Variants in LRRC14B observed in about 807,000 individuals in gnomAD.
The protein encoded by LRRC14B is leucine rich repeat containing 14B, also known as leucine-rich repeat-containing protein 14B.
Under a neutral mutation model 16.9 loss-of-function variants are expected in LRRC14B, and 23 were observed. The observed-to-expected ratio is 1.36, with a 90% CI of 0.98 to 1.92. LRRC14B has a LOEUF of 1.92. Ranked by LOEUF, LRRC14B falls within the 30% of genes most tolerant of loss-of-function variation. The pLI is 0.00. For missense variants in LRRC14B, 766 were observed against 705.7 expected, an observed-to-expected ratio of 1.09 and a Z score of -0.97; for synonymous variants, 358 against 332.5, an observed-to-expected ratio of 1.08 and a Z score of -0.83.
chr5:191,694 G>A lies in LRRC14B; in HGVS notation c.156G>A (p.Ala52=), dbSNP rs765578403. The change falls in exon 1 of 2, where the codon GCG becomes GCA. Residue 52 remains alanine (A), a synonymous_variant. Transcript: ENST00000328278. The part of the protein sequence containing the change: ...YLLEQAEVTR[A]VLGRWPLEEF... ...TGGAGCAGGCGGAGGTGACGCGCGC[G>A]GTGCTGGGGCGCTGGCCCCTGGAGG... The A allele has an allele frequency of 1.5e-5, 24 of 1,596,458 alleles. No individual in the cohort carries two copies. Among genetic ancestry groups the A allele is most frequent in the East Asian group, 2.3e-5 (1 of 43,956 alleles).
rs574232325 is a variant in LRRC14B, at chr5:192,045, C to T, written c.507C>T (p.Phe169=). The T allele has an allele frequency of 3.2e-6, 5 of 1,542,432 alleles. No homozygotes were observed. The East Asian group carries it at 7.2e-5, about 22-fold the overall frequency. ...LADLFVTEGN[F]EAVVQALRPA... ...ACCTCTTCGTCACTGAGGGCAACTT[C>T]GAGGCGGTGGTGCAGGCTCTGAGGC... Residue 169 remains phenylalanine (F), a synonymous_variant, in exon 1 of 2, where the codon TTC becomes TTT. Coordinates refer to ENST00000328278, the MANE Select transcript of LRRC14B (RefSeq NM_001080478.3).
Position 194,746 on chromosome 5 carries a change from A to G in LRRC14B, c.938A>G (p.Asn313Ser). 6.2e-7 allele frequency: 1 copy of G among 1,613,460 alleles called. No homozygotes were observed. The highest frequency in any genetic ancestry group is 2.2e-5 in the East Asian group (1 of 44,884). Residue 313 changes from asparagine to serine, a missense_variant, in exon 2 of 2, where the codon AAC becomes AGC. Transcript: ENST00000328278. ...QTPLRVLDLA[N>S]CALNHTDMAF... ...CCGCTGCGAGTACTGGACCTGGCCAACTGTGCCCTGAACCACACGGACATG... is the reference window on the plus strand; with the variant it reads ...CCGCTGCGAGTACTGGACCTGGCCAGCTGTGCCCTGAACCACACGGACATG...
Position 191,666 on chromosome 5 carries a change from T to C in LRRC14B, c.128T>C (p.Leu43Pro), listed in dbSNP as rs779597045. The C allele has an allele frequency of 1.2e-6, 2 of 1,606,740 alleles. No homozygotes were observed. The highest frequency in any genetic ancestry group is 1.7e-6 in the Non-Finnish European group (2 of 1,177,156). Residue 43 changes from leucine to proline, a missense_variant, in exon 1 of 2, where the codon CTG (leucine) becomes CCG (proline). Transcript: ENST00000328278. ...CCACTCCTGTTCAAAGCCAGCTACC[T>C]GCTGGAGCAGGCGGAGGTGACGCGC... is the stretch of plus-strand genomic sequence containing the variant. ...LYPLLFKASY[L>P]LEQAEVTRAV...
At position 195,433 on chromosome 5, in the gene LRRC14B, G is replaced by C; in HGVS notation, c.*80G>C. On this transcript the variant is annotated 3_prime_UTR_variant, in exon 2 of 2. Coordinates refer to ENST00000328278, the MANE Select transcript of LRRC14B (RefSeq NM_001080478.3). ...GCTTTAGTCCTGGATCTGAGGCTTG[G>C]GCCCGGCATTCATCCCCACCACCAC... 1 of 1,326,774 alleles carries C rather than the reference G, an allele frequency of 7.5e-7. No homozygotes were observed. The highest frequency in any genetic ancestry group is 1.0e-6 in the Non-Finnish European group (1 of 975,842). The allele number at this position is 1,326,774 out of a possible 1,614,324, so 82.2% of individuals were successfully genotyped here.
chr5:192,496 G>A lies in LRRC14B; in HGVS notation c.899+59G>A, dbSNP rs1182134825. ...GTGGCTGCAGAGGCAAGGAGAGATC[G>A]TCCAGGGGCCTGCTCATGTCCAAGG... On this transcript the variant is annotated intron_variant, in intron 1 of 1. Transcript: ENST00000328278. 4.2e-6 allele frequency: 6 copies of A among 1,418,834 alleles called. No homozygotes were observed. In the East Asian group the frequency reaches 1.0e-4, roughly 24 times the overall value. The allele number at this position is 1,418,834 out of a possible 1,614,324, so 87.9% of individuals were successfully genotyped here. A position where few individuals can be genotyped will look rare whatever the true frequency, so the allele number is the denominator to read the frequency against.
intron 1 of LRRC14B, among the ~76,000 whole-genome samples, chr5:193,661 C>T (rs1342793610): frequency 6.6e-6 from 1 of 150,620 alleles, no homozygotes; most frequent in Non-Finnish European, 1.5e-5. Context: ...TGCGGTGGGT[C>T]CTGAGGGATA....
In LRRC14B at chr5:192,140, TC is replaced by T. The variant is rs747433219; in HGVS notation, c.604del (p.Leu202CysfsTer90). On this transcript the variant is annotated frameshift_variant, in exon 1 of 2. Coordinates refer to ENST00000328278, the MANE Select transcript of LRRC14B (RefSeq NM_001080478.3). LOFTEE classifies it high-confidence loss of function. ...GCGGACAGCCTGAGCCCCAGCCAGC[TC>T]CTGCACGTGCTGCGTCTGGCTGGCC... ...FRADSLSPSQLLHVLRLAGPG... is the reference protein window; with the variant it reads ...FRADSLSPSQXLHVLRLAGPG... The T allele has an allele frequency of 9.5e-5, 151 of 1,589,158 alleles. No homozygotes were observed. Among genetic ancestry groups the T allele is most frequent in the Non-Finnish European group, 2.1e-5 (25 of 1,169,376 alleles).
In LRRC14B at chr5:192,251, TC is replaced by T. The variant is rs1733818632; in HGVS notation, c.718del (p.Arg240GlyfsTer52). ...CAGCAGCTTCTGGCCCAGGTGGGCTTCCCCCGGCTGGCCTCGCTCACCCTGC... is the reference window on the plus strand; with the variant it reads ...CAGCAGCTTCTGGCCCAGGTGGGCTTCCCCGGCTGGCCTCGCTCACCCTGC... Reference protein sequence around the residue: ...HVQQLLAQVGFPRLASLTLPT... With the variant: ...HVQQLLAQVGXPRLASLTLPT... On this transcript the variant is annotated frameshift_variant, in exon 1 of 2. Coordinates refer to ENST00000328278, the MANE Select transcript of LRRC14B (RefSeq NM_001080478.3). LOFTEE classifies it high-confidence loss of function. 1.9e-6 allele frequency: 3 copies of T among 1,594,052 alleles called. No homozygotes were observed. Among genetic ancestry groups the T allele is most frequent in the East Asian group, 2.3e-5 (1 of 43,526 alleles).
chr5:195,262 AAG>A lies in LRRC14B; in HGVS notation c.1456_1457del (p.Glu486AsnfsTer4). ...TTTGGAAGTTTTGACCCAGACATTC[AAG>A]AAACAAGCAATGAGCTTGGTGCTTT... On this transcript the variant is annotated frameshift_variant, in exon 2 of 2. Coordinates refer to ENST00000328278, the MANE Select transcript of LRRC14B (RefSeq NM_001080478.3). LOFTEE classifies it high-confidence loss of function. 1 of 1,612,906 alleles carries A rather than the reference AAG, an allele frequency of 6.2e-7. No homozygotes were observed. The highest frequency in any genetic ancestry group is 8.5e-7 in the Non-Finnish European group (1 of 1,179,892).
chr5:193,137 G>A (rs1733840518), intron 1 of LRRC14B, among the ~76,000 whole-genome samples: 1 of 151,416 alleles, frequency 6.6e-6, no homozygotes, highest in African/African-American at 2.4e-5. Flanking sequence ...GTGGGTCCAA[G>A]GGGGGTGCCC....
chr5:192,531 T>C, intron 1 of LRRC14B, 94 bp downstream of exon 1: 3 of 1,251,582 alleles, frequency 2.4e-6, no homozygotes, highest in Non-Finnish European at 3.1e-6. Flanking sequence ...GCCATGAGGC[T>C]ACACGGCCTC....
In LRRC14B at chr5:191,709, G is replaced by T. The variant is rs1418952482; in HGVS notation, c.171G>T (p.Trp57Cys). Reference protein sequence around the residue: ...AEVTRAVLGRWPLEEFRLGAL... With the variant: ...AEVTRAVLGRCPLEEFRLGAL... Reference sequence around the variant, plus strand: ...TGACGCGCGCGGTGCTGGGGCGCTGGCCCCTGGAGGAGTTCCGGCTGGGAG... The same window carrying T: ...TGACGCGCGCGGTGCTGGGGCGCTGTCCCCTGGAGGAGTTCCGGCTGGGAG... Residue 57 changes from tryptophan to cysteine, a missense_variant, in exon 1 of 2, where the codon TGG becomes TGT. Physicochemically the swap from Trp to Cys is radical, Grantham distance 215. Coordinates refer to ENST00000328278, the MANE Select transcript of LRRC14B (RefSeq NM_001080478.3). 6.3e-7 allele frequency: 1 copy of T among 1,586,688 alleles called. No individual in the cohort carries two copies. The highest frequency in any genetic ancestry group is 1.8e-5 in the Admixed American group (1 of 56,172).
At position 194,891 on chromosome 5, in the gene LRRC14B, G is replaced by A. The variant is rs144129244; in HGVS notation, c.1083G>A (p.Thr361=). The part of the protein sequence containing the change: ...FFRLLSQASR[T]LRILTLEECG... The stretch of plus-strand genomic sequence containing the variant: ...GGCTGCTCAGCCAGGCTTCCCGGAC[G>A]CTGAGGATCCTGACACTGGAGGAGT... The change falls in exon 2 of 2, where the codon ACG becomes ACA. Residue 361 remains threonine, a synonymous_variant. Transcript: ENST00000328278. 1.7e-4 allele frequency: 268 copies of A among 1,600,914 alleles called. No individual in the cohort carries two copies. The highest frequency in any genetic ancestry group is 5.9e-4 in the African/African-American group (44 of 74,764).
Position 192,059 on chromosome 5 carries a change from A to T in LRRC14B, c.521A>T (p.Gln174Leu). 6.5e-7 allele frequency: 1 copy of T among 1,544,728 alleles called. No homozygotes were observed. The highest frequency in any genetic ancestry group is 2.4e-5 in the East Asian group (1 of 41,612). The change falls in exon 1 of 2, where the codon CAG (glutamine) becomes CTG (leucine). Residue 174 changes from glutamine to leucine, a missense_variant. Physicochemically the swap from Gln to Leu is moderately radical, Grantham distance 113. Transcript: ENST00000328278. ...GAGGGCAACTTCGAGGCGGTGGTGCAGGCTCTGAGGCCAGCGGGCCCGGCC... is the reference window on the plus strand; with the variant it reads ...GAGGGCAACTTCGAGGCGGTGGTGCTGGCTCTGAGGCCAGCGGGCCCGGCC... ...VTEGNFEAVVQALRPAGPAPL... is the reference protein window; with the variant it reads ...VTEGNFEAVVLALRPAGPAPL...
intron 1 of LRRC14B, among the ~76,000 whole-genome samples, chr5:193,290 C>T (rs1248901993): frequency 1.4e-4 from 12 of 87,186 alleles, no homozygotes; most frequent in South Asian, 1.1e-3. Context: ...GCGGTGGGTC[C>T]GGGGGGCACC....
rs770626524 is a variant in LRRC14B at position 194,973 on chromosome 5, C to T, written c.1165C>T (p.Arg389Trp). The change falls in exon 2 of 2, where the codon CGG (arginine) becomes TGG (tryptophan). Residue 389 changes from arginine to tryptophan, a missense_variant. Arg to Trp is a moderately radical substitution (Grantham distance 101). Coordinates refer to ENST00000328278, the MANE Select transcript of LRRC14B (RefSeq NM_001080478.3). The stretch of plus-strand genomic sequence containing the variant: ...GATCCTGGGCCTGAGCCCCTGCCAC[C>T]GGCTGCGCCAGCTCAAGTTCCTCGG... ...MLILGLSPCHRLRQLKFLGNP... is the reference protein window; with the variant it reads ...MLILGLSPCHWLRQLKFLGNP... The T allele has an allele frequency of 1.2e-5, 20 of 1,613,284 alleles. No homozygotes were observed. The highest frequency in any genetic ancestry group is 3.3e-5 in the South Asian group (3 of 91,088).
rs756206787 is a variant in LRRC14B, at chr5:192,156, T to C, written c.618T>C (p.Arg206=). 6.3e-7 allele frequency: 1 copy of C among 1,596,902 alleles called. No homozygotes were observed. Among genetic ancestry groups the C allele is most frequent in the Non-Finnish European group, 8.5e-7 (1 of 1,172,854 alleles). The change falls in exon 1 of 2, where the codon CGT becomes CGC. Residue 206 remains arginine (R), a synonymous_variant. Coordinates refer to ENST00000328278, the MANE Select transcript of LRRC14B (RefSeq NM_001080478.3). ...CCAGCCAGCTCCTGCACGTGCTGCG[T>C]CTGGCTGGCCCGGGTGCCCTGCGCA... ...LSPSQLLHVL[R]LAGPGALRKL... is the part of the protein sequence containing the mutation.
chr5:192,520 G>C, intron 1 of LRRC14B, 83 bp downstream of exon 1: 1 of 1,340,586 alleles, frequency 7.5e-7, no homozygotes, highest in Non-Finnish European at 9.7e-7. Flanking sequence ...TCATGTCCAA[G>C]GCCATGAGGC....
Position 192,116 on chromosome 5 carries a change from C to A in LRRC14B, c.578C>A (p.Ala193Glu), listed in dbSNP as rs774942703. 15 of 1,567,064 alleles carry A rather than the reference C, an allele frequency of 9.6e-6. No individual in the cohort carries two copies. In the Admixed American group the frequency reaches 2.4e-4, roughly 25 times the overall value. Residue 193 changes from alanine to glutamate, a missense_variant, in exon 1 of 2, where the codon GCG (alanine) becomes GAG (glutamate). By Grantham distance (107) the Ala-to-Glu change is moderately radical (BLOSUM62 -1). Transcript: ENST00000328278. ...PLRVHCPSFR[A>E]DSLSPSQLLH... The stretch of plus-strand genomic sequence containing the variant: ...CGGGTGCACTGCCCCTCGTTCCGGG[C>A]GGACAGCCTGAGCCCCAGCCAGCTC...
Sources: gnomAD v4.1 joint callset for allele counts (sites outside exome capture counted in the v4.1 genomes callset) on GRCh38, gnomAD v4.1.1 for gene constraint, MANE v1.5 for transcripts, NCBI Gene and HGNC (gene_info 2026-07-23, HGNC 2026-07-21) for gene names.